Variants in PKNOX2 observed in about 807,000 individuals in gnomAD.
PKNOX2 encodes PBX/knotted 1 homeobox 2.
A neutral mutation model predicts 53.1 loss-of-function variants in PKNOX2; 14 were observed. The observed-to-expected ratio is 0.26, with a 90% CI of 0.17 to 0.41. The LOEUF (loss-of-function observed/expected upper bound fraction) is 0.41, where lower values mean the gene tolerates loss of function less well. PKNOX2 is among the 10% of genes least tolerant of loss of function. The pLI is 1.00. For missense variants in PKNOX2, 496 were observed against 602.8 expected, an observed-to-expected ratio of 0.82 and a Z score of 1.85; for synonymous variants, 257 against 242.8, an observed-to-expected ratio of 1.06 and a Z score of -0.54.
At chr11:125,239,883 T>C (rs1943013983) in intron 2 of PKNOX2, among the ~76,000 whole-genome samples, 1 of 152,230 alleles carries the variant, frequency 6.6e-6, no homozygotes, top group African/African-American at 2.4e-5. Flanking sequence ...TTGGTCCAGC[T>C]TAATTGGTGT....
intron 6 of PKNOX2, among the ~76,000 whole-genome samples, chr11:125,392,224 G>GATTTGATGATGATTTGTGATTTGA (rs1954092280): frequency 6.6e-6 from 1 of 152,308 alleles, no homozygotes; most frequent in Non-Finnish European, 1.5e-5. Flanking sequence ...AATCTTGTGA[G>GATTTGATGATGATTTGTGATTTGA]TTAGAGATGA....
chr11:125,424,565 G>A (rs1032226047), intron 10 of PKNOX2, among the ~76,000 whole-genome samples: 1 of 152,154 alleles, frequency 6.6e-6, no homozygotes, highest in African/African-American at 2.4e-5. Flanking sequence ...GGGGAAAAGC[G>A]TGTAGTGGAC....
chr11:125,385,417 T>G, intron 5 of PKNOX2, 134 bp from the exon 6 acceptor site: 2 of 988,806 alleles, frequency 2.0e-6, no homozygotes. Context: ...CCATAGGGAC[T>G]GGGGATGTTA....
At chr11:125,217,495 A>C (rs939421323) in intron 1 of PKNOX2, among the ~76,000 whole-genome samples, 37 of 152,210 alleles carry the variant, frequency 2.4e-4, no homozygotes, top group African/African-American at 8.4e-4. Context: ...AAGGCCAGCT[A>C]CAAATACTTC....
intron 5 of PKNOX2, among the ~76,000 whole-genome samples, chr11:125,372,331 A>T (rs999510687): frequency 6.6e-6 from 1 of 152,132 alleles, no homozygotes; most frequent in African/African-American, 2.4e-5. Context: ...TCAAAGCCCA[A>T]ACCCCACCTA....
chr11:125,302,675 C>T (rs757160739), intron 2 of PKNOX2, among the ~76,000 whole-genome samples: 2 of 152,198 alleles, frequency 1.3e-5, no homozygotes, highest in Non-Finnish European at 2.9e-5. Flanking sequence ...ATCAGCCCCA[C>T]GTGCATCCCA....
intron 2 of PKNOX2, among the ~76,000 whole-genome samples, chr11:125,265,548 T>C (rs943621574): frequency 2.6e-5 from 4 of 152,184 alleles, no homozygotes; most frequent in African/African-American, 7.2e-5. Context: ...CTCTGCCCCA[T>C]GGCCTCTGCT....
In PKNOX2 at chr11:125,289,927, CT is replaced by C. The variant is rs558483999; in HGVS notation, c.-129-41890del. Among the ~76,000 whole-genome samples, 348 of 152,332 alleles carry C rather than the reference CT, an allele frequency of 2.3e-3. 2 individuals carry two copies. The highest frequency in any genetic ancestry group is 7.9e-3 in the African/African-American group (330 of 41,574). On this transcript the variant is annotated intron_variant, in intron 2 of 12. Coordinates refer to ENST00000298282, the MANE Select transcript of PKNOX2 (RefSeq NM_001382323.2). ...TCAGCCCGCAGCAGCAGCACCAGCC[CT>C]TGAGGGCTGGGTCTTTCCTGGCAAC... is the stretch of plus-strand genomic sequence containing the variant.
intron 2 of PKNOX2, among the ~76,000 whole-genome samples, chr11:125,286,507 T>G (rs1946907040): frequency 6.6e-6 from 1 of 152,226 alleles, no homozygotes; most frequent in Non-Finnish European, 1.5e-5. Flanking sequence ...TTGTGCCTGA[T>G]GTGGGCACAG....
intron 2 of PKNOX2, among the ~76,000 whole-genome samples, chr11:125,278,217 T>TAAAAA (rs530102994): frequency 2.4e-5 from 2 of 82,824 alleles, no homozygotes; most frequent in Admixed American, 1.4e-4. Flanking sequence ...AGACCCTGTC[T>TAAAAA]AAAAAAAAAA....
rs558235985 is a variant in PKNOX2 at position 125,241,785 on chromosome 11, G to A, written c.-130+6670G>A. Among the ~76,000 whole-genome samples, 3 of 152,310 alleles carry A rather than the reference G, an allele frequency of 2.0e-5. No homozygotes were observed. The East Asian group carries it at 5.8e-4, about 29-fold the overall frequency. ...CAGGAGAATTGCTTGAACCCAGGAG[G>A]TGGAGGTTGCAGTGAGCTGAGATCA... On this transcript the variant is annotated intron_variant, in intron 2 of 12. Transcript: ENST00000298282.
intron 3 of PKNOX2, among the ~76,000 whole-genome samples, chr11:125,344,846 C>T (rs888007337): frequency 2.0e-5 from 3 of 152,080 alleles, no homozygotes; most frequent in South Asian, 2.1e-4. Flanking sequence ...ATTGTGGAGT[C>T]GCGGCTTATT....
chr11:125,228,508 A>C (rs1352805195), intron 1 of PKNOX2, among the ~76,000 whole-genome samples: 3 of 152,038 alleles, frequency 2.0e-5, no homozygotes. Flanking sequence ...TCTCAATGAC[A>C]CCCCACACTG....
chr11:125,410,062 G>C (rs934799335), intron 7 of PKNOX2, 134 bp from the exon 8 acceptor site: 1 of 1,233,682 alleles, frequency 8.1e-7, no homozygotes, highest in African/African-American at 1.5e-5. Flanking sequence ...TTGCCTTCTG[G>C]ACCTGGGTCT....
chr11:125,365,083 T>C (rs1952117850), intron 4 of PKNOX2, among the ~76,000 whole-genome samples: 2 of 152,106 alleles, frequency 1.3e-5, no homozygotes, highest in Non-Finnish European at 2.9e-5. Flanking sequence ...CTTCGAGTCA[T>C]ACAGAACTGA....
At chr11:125,316,974 T>C (rs1949234718) in intron 2 of PKNOX2, among the ~76,000 whole-genome samples, 1 of 152,264 alleles carries the variant, frequency 6.6e-6, no homozygotes, top group Non-Finnish European at 1.5e-5. Context: ...TCTCTCTAAC[T>C]TTGCTGCTGC....
intron 1 of PKNOX2, among the ~76,000 whole-genome samples, chr11:125,179,567 T>C (rs1591470981): frequency 6.6e-6 from 1 of 151,918 alleles, no homozygotes; most frequent in African/African-American, 2.4e-5. Flanking sequence ...GCAGCTGGGG[T>C]GCTGGGGCAG....
chr11:125,336,495 A>G (rs1427751782), intron 3 of PKNOX2, among the ~76,000 whole-genome samples: 1 of 149,706 alleles, frequency 6.7e-6, no homozygotes, highest in African/African-American at 2.4e-5. Context: ...TGTACTATAT[A>G]ACATATATAC....
At position 125,306,785 on chromosome 11, in the gene PKNOX2, G is replaced by A. The variant is rs61917773; in HGVS notation, c.-129-25034G>A. ...TGGAGGGGTCTGGGACTCATTCTAGGTCGGACCATGGGCTCTCTGGGGACT... is the reference window on the plus strand; with the variant it reads ...TGGAGGGGTCTGGGACTCATTCTAGATCGGACCATGGGCTCTCTGGGGACT... On this transcript the variant is annotated intron_variant, in intron 2 of 12. Transcript: ENST00000298282. 3.9e-3 allele frequency among the ~76,000 whole-genome samples: 596 copies of A among 152,298 alleles called. 3 individuals carry two copies. Among genetic ancestry groups the A allele is most frequent in the Middle Eastern group, 0.037 (11 of 294 alleles).
Sources: allele counts gnomAD v4.1 joint callset (sites outside exome capture counted in the v4.1 genomes callset), GRCh38; gene constraint gnomAD v4.1.1; transcripts MANE v1.5; gene names NCBI Gene and HGNC (gene_info 2026-07-23, HGNC 2026-07-21).